The following DNAH17 variants were observed in gnomAD, a reference collection of about 807,000 sequenced individuals.
DNAH17 encodes axonemal beta dynein heavy chain 17.
Under a neutral mutation model 485.6 loss-of-function variants are expected in DNAH17, and 376 were observed. That is an observed-to-expected ratio of 0.77 (90% CI 0.71 to 0.84). DNAH17 has a LOEUF of 0.84. Among genes scored for constraint, DNAH17 ranks in the 40% least tolerant of loss-of-function variants. The pLI is 0.00. For missense variants in DNAH17, 6,370 were observed against 5,839.3 expected (o/e 1.09, Z -2.96); for synonymous variants, 3,031 against 2,405.9 (o/e 1.26, Z -7.60).
intron 58 of DNAH17, among the ~76,000 whole-genome samples, chr17:78,460,503 T>C (rs2088064853): frequency 6.6e-6 from 1 of 152,254 alleles, no homozygotes; most frequent in East Asian, 1.9e-4. Context: ...CTGAGCTCCA[T>C]AAGAGAGGCT....
intron 74 of DNAH17, among the ~76,000 whole-genome samples, chr17:78,435,185 G>C (rs1245587098): frequency 6.6e-6 from 1 of 152,164 alleles, no homozygotes; most frequent in African/African-American, 2.4e-5. Flanking sequence ...CAGTGAACAC[G>C]TGGAGAGCCA....
At chr17:78,515,157 A>G in intron 25 of DNAH17, 135 bp from the exon 26 acceptor site, 1 of 1,049,616 alleles carries the variant, frequency 9.5e-7, no homozygotes, top group Non-Finnish European at 1.4e-6. Flanking sequence ...ACCCGAGATC[A>G]GTAAAGTGAT....
At chr17:78,556,003 C>G (rs2092013486) in intron 14 of DNAH17, among the ~76,000 whole-genome samples, 1 of 152,334 alleles carries the variant, frequency 6.6e-6, no homozygotes, top group South Asian at 2.1e-4. Context: ...AACTTGCAGA[C>G]AGCAGGCTGT....
chr17:78,431,638 G>T (rs539095085), intron 75 of DNAH17, among the ~76,000 whole-genome samples: 7 of 152,112 alleles, frequency 4.6e-5, no homozygotes, highest in Non-Finnish European at 1.0e-4. Context: ...CATCATTCCC[G>T]GTGGTCACTC....
intron 37 of DNAH17, chr17:78,497,020 G>A (rs2090099626): frequency 6.6e-6 from 1 of 152,220 alleles, no homozygotes; most frequent in South Asian, 2.1e-4. Flanking sequence ...GATGCACCCA[G>A]GCTGTTGCAG....
chr17:78,449,323 G>T (rs891810793), intron 69 of DNAH17, 91 bp downstream of exon 69: 5 of 1,345,884 alleles, frequency 3.7e-6, no homozygotes, highest in Non-Finnish European at 3.1e-6. Context: ...TTGGGTGGGG[G>T]CCCAACAATC....
intron 19 of DNAH17, among the ~76,000 whole-genome samples, chr17:78,533,597 C>T (rs1024219801): frequency 2.6e-5 from 4 of 152,144 alleles, no homozygotes; most frequent in Admixed American, 6.5e-5. Context: ...AGAGAGAACT[C>T]GTTGGCTTAT....
chr17:78,492,664 G>A lies in DNAH17; in HGVS notation c.6510C>T (p.Ile2170=), dbSNP rs1180049889. 3.7e-6 allele frequency: 6 copies of A among 1,613,648 alleles called. No individual in the cohort carries two copies. Among genetic ancestry groups the A allele is most frequent in the Admixed American group, 3.3e-5 (2 of 59,980 alleles). Residue 2170 remains isoleucine (I), a synonymous_variant, in exon 42 of 81, where the codon ATC becomes ATT. Coordinates refer to ENST00000389840, the MANE Select transcript of DNAH17 (RefSeq NM_173628.4). ...KAVTCDELFG[I]INPVTREWKD... ...TCCATTCCCTGGTCACTGGGTTGAT[G>A]ATGCCAAAGAGCTCGTCGCAGGTGA... is the stretch of plus-strand genomic sequence containing the variant.
intron 78 of DNAH17, 159 bp from the exon 79 acceptor site, chr17:78,426,759 G>T: frequency 7.8e-7 from 1 of 1,278,946 alleles, no homozygotes; most frequent in Non-Finnish European, 1.1e-6. Flanking sequence ...GCTAAGGAAC[G>T]GTCTAGATGA....
In DNAH17 at chr17:78,454,694, CG is replaced by C; in HGVS notation, c.10181del (p.Pro3394ArgfsTer9). 6.2e-7 allele frequency: 1 copy of C among 1,611,990 alleles called. No individual in the cohort carries two copies. The highest frequency in any genetic ancestry group is 8.5e-7 in the Non-Finnish European group (1 of 1,179,772). On this transcript the variant is annotated frameshift_variant, in exon 64 of 81. Coordinates refer to ENST00000389840, the MANE Select transcript of DNAH17 (RefSeq NM_173628.4). LOFTEE classifies it high-confidence loss of function. Reference sequence around the variant, plus strand: ...TCAAGGGATCCAGGCCATTCGTGATCGGGATGGGGACCTGCCCAGGGAGGCA... The same window carrying C: ...TCAAGGGATCCAGGCCATTCGTGATCGGATGGGGACCTGCCCAGGGAGGCA... ...PYIHNLKVPI[P>X]ITNGLDPLSL... is the part of the protein sequence containing the mutation.
chr17:78,555,475 CG>C (rs995752241), intron 14 of DNAH17, among the ~76,000 whole-genome samples: 1 of 145,026 alleles, frequency 6.9e-6, no homozygotes, highest in Non-Finnish European at 1.5e-5. Context: ...AAAGATATTA[CG>C]GCCCCTGGTG....
intron 16 of DNAH17, among the ~76,000 whole-genome samples, chr17:78,544,371 T>A (rs2091692888): frequency 1.3e-5 from 2 of 152,104 alleles, no homozygotes; most frequent in African/African-American, 4.8e-5. Context: ...GGGTGGATCG[T>A]CCATAGCTGC....
intron 25 of DNAH17, among the ~76,000 whole-genome samples, chr17:78,521,226 C>T (rs573866291): frequency 1.3e-5 from 2 of 152,034 alleles, no homozygotes; most frequent in Admixed American, 1.3e-4. Context: ...GCCAACATGG[C>T]GAAACCCCAT....
chr17:78,431,521 G>A (rs957679227), intron 75 of DNAH17, among the ~76,000 whole-genome samples: 1 of 151,714 alleles, frequency 6.6e-6, no homozygotes, highest in Non-Finnish European at 1.5e-5. Flanking sequence ...AGGTTGCTCT[G>A]TGTTTCAAAG....
In DNAH17 at chr17:78,468,653, C is replaced by G; in HGVS notation, c.8742G>C (p.Trp2914Cys). The change falls in exon 55 of 81, where the codon TGG becomes TGC. Residue 2914 changes from tryptophan to cysteine, a missense_variant. Physicochemically the swap from Trp to Cys is radical, Grantham distance 215. Transcript: ENST00000389840. The part of the protein sequence containing the change: ...LGMNDTRETC[W>C]KFFIEKVRRQ... The stretch of plus-strand genomic sequence containing the variant: ...TGCGCACTTTTTCGATGAAGAACTT[C>G]CAACATGTTTCCCGAGTGTCATTCA... 5 of 1,613,940 alleles carry G rather than the reference C, an allele frequency of 3.1e-6. No homozygotes were observed. The highest frequency in any genetic ancestry group is 4.2e-6 in the Non-Finnish European group (5 of 1,179,842).
chr17:78,501,143 C>A, intron 35 of DNAH17, 41 bp downstream of exon 35: 2 of 1,527,420 alleles, frequency 1.3e-6, no homozygotes, highest in South Asian at 1.3e-5. Context: ...CGGAAGGGAC[C>A]CACCAAGAGC....
chr17:78,530,723 A>G (rs1289049293), intron 20 of DNAH17, among the ~76,000 whole-genome samples: 1 of 152,208 alleles, frequency 6.6e-6, no homozygotes, highest in Non-Finnish European at 1.5e-5. Flanking sequence ...CTAGCCCCAG[A>G]AGGTGCCAGT....
chr17:78,423,726 CACCTCTTCCACACCA>C lies in DNAH17; in HGVS notation c.*165_*179del. The C allele has an allele frequency of 2.6e-6, 2 of 759,106 alleles. No homozygotes were observed. Among genetic ancestry groups the C allele is most frequent in the Non-Finnish European group, 4.2e-6 (2 of 475,736 alleles). The allele number at this position is 759,106 out of a possible 1,614,324, so 47.0% of individuals were successfully genotyped here. On this transcript the variant is annotated 3_prime_UTR_variant, in exon 81 of 81. Transcript: ENST00000389840. ...TGGCTCCACTGGCTTTAATCTGCCC[CACCTCTTCCACACCA>C]ACCTCCACCCTCTGGTTCCGATGTG...
At chr17:78,533,800 T>G (rs2091302573) in intron 19 of DNAH17, among the ~76,000 whole-genome samples, 1 of 152,158 alleles carries the variant, frequency 6.6e-6, no homozygotes, top group Non-Finnish European at 1.5e-5. Context: ...TTCTCCTGCC[T>G]CAGCCTCCCA....
Sources: gnomAD v4.1 joint callset for allele counts (sites outside exome capture counted in the v4.1 genomes callset) on GRCh38, gnomAD v4.1.1 for gene constraint, MANE v1.5 for transcripts, NCBI Gene and HGNC (gene_info 2026-07-23, HGNC 2026-07-21) for gene names.